The following HAUS6 variants were observed in gnomAD, a reference collection of about 807,000 sequenced individuals.
HAUS6 encodes HAUS augmin like complex subunit 6.
HAUS6 carries 80 observed loss-of-function variants against 106.8 expected under a neutral mutation model. That is an observed-to-expected ratio of 0.75 (90% confidence interval 0.63 to 0.90). The LOEUF is 0.90. HAUS6 is among the 40% of genes least tolerant of loss of function. The pLI, the probability that HAUS6 is intolerant of heterozygous loss-of-function variation, is 0.00. For synonymous variants in HAUS6, 356 were observed against 379.1 expected, an observed-to-expected ratio of 0.94 and a Z score of 0.71; for missense variants, 1,155 against 1,118.1, an observed-to-expected ratio of 1.03 and a Z score of -0.47.
chr9:19,097,172 T>C (rs1188228002), intron 1 of HAUS6, among the ~76,000 whole-genome samples: 1 of 152,170 alleles, frequency 6.6e-6, no homozygotes, highest in Admixed American at 6.6e-5. Flanking sequence ...GGCAATACCA[T>C]TCAGGACATA....
rs1836525345 is a variant in HAUS6, at chr9:19,058,305, T to A, written c.2462A>T (p.Gln821Leu). The change falls in exon 16 of 17, where the codon CAG becomes CTG. Residue 821 changes from glutamine to leucine, a missense_variant. This residue lies in a region of HAUS6 where 380 missense variants were observed against 394.8 expected (regional missense o/e 0.96). Coordinates refer to ENST00000380502, the MANE Select transcript of HAUS6 (RefSeq NM_017645.5). Reference sequence around the variant, plus strand: ...ATTAAAGTCTGATTCTGGAGTAGTCTGTCTCCCTCCCACAACATCTTCTAG... The same window carrying A: ...ATTAAAGTCTGATTCTGGAGTAGTCAGTCTCCCTCCCACAACATCTTCTAG... ...TLLEDVVGGRQTTPESDFNLQ... is the reference protein window; with the variant it reads ...TLLEDVVGGRLTTPESDFNLQ... The A allele has an allele frequency of 6.2e-7, 1 of 1,613,364 alleles. No homozygotes were observed. Among genetic ancestry groups the A allele is most frequent in the African/African-American group, 1.3e-5 (1 of 75,014 alleles).
chr9:19,090,181 G>T (rs1817713989), intron 4 of HAUS6, among the ~76,000 whole-genome samples: 1 of 151,496 alleles, frequency 6.6e-6, no homozygotes, highest in Non-Finnish European at 1.5e-5. Flanking sequence ...TTTAAGGCAG[G>T]CAACTAAAAA....
In HAUS6 at chr9:19,078,554, A is replaced by G. The variant is rs144263713; in HGVS notation, c.1065-252T>C. Among the ~76,000 whole-genome samples the G allele has an allele frequency of 4.2e-3, 632 of 152,156 alleles. 3 individuals are homozygous for G. The highest frequency in any genetic ancestry group is 0.015 in the African/African-American group (607 of 41,520). ...TGTAATCCCAGCAGTTTGGGAGGCC[A>G]AGGCAGGTGGATCACCTGAGGTCAG... On this transcript the variant is annotated intron_variant, in intron 9 of 16. Coordinates refer to ENST00000380502, the MANE Select transcript of HAUS6 (RefSeq NM_017645.5).
intron 5 of HAUS6, among the ~76,000 whole-genome samples, chr9:19,087,846 CAAAAAAAAAAAAA>C (rs71333081): frequency 1.3e-5 from 1 of 78,740 alleles, no homozygotes; most frequent in South Asian, 5.8e-4. Flanking sequence ...GACCTTGTCT[CAAAAAAAAAAAAA>C]AAAAAAAAAA....
chr9:19,099,998 G>T (rs186524768), intron 1 of HAUS6, among the ~76,000 whole-genome samples: 22 of 152,136 alleles, frequency 1.4e-4, no homozygotes, highest in African/African-American at 5.1e-4. Context: ...TTAAGATTCC[G>T]CCTGGCTAAG....
intron 16 of HAUS6, 155 bp from the exon 17 acceptor site, chr9:19,056,559 CCT>C (rs1214496798): frequency 1.2e-5 from 7 of 570,728 alleles, no homozygotes; most frequent in Admixed American, 3.0e-5. Flanking sequence ...ACCAAAGTAC[CCT>C]CTTTCTCCAG....
At chr9:19,077,419 C>T (rs927082576) in intron 10 of HAUS6, among the ~76,000 whole-genome samples, 4 of 152,104 alleles carry the variant, frequency 2.6e-5, no homozygotes, top group Non-Finnish European at 4.4e-5. Context: ...CCTTTAGTCC[C>T]GGCTACTTGG....
At chr9:19,094,063 T>C (rs1817810162) in intron 3 of HAUS6, among the ~76,000 whole-genome samples, 1 of 152,210 alleles carries the variant, frequency 6.6e-6, no homozygotes, top group African/African-American at 2.4e-5. Flanking sequence ...AAGTTTTCTT[T>C]AAACAAAAAC....
chr9:19,079,603 T>A (rs998469196), intron 9 of HAUS6, among the ~76,000 whole-genome samples: 1 of 152,102 alleles, frequency 6.6e-6, no homozygotes, highest in Non-Finnish European at 1.5e-5. Flanking sequence ...CCACTCTCTG[T>A]CCATTCCTAT....
rs1283260929 is a variant in HAUS6 at position 19,087,872 on chromosome 9, C to T, written c.585-716G>A. 2.8e-5 allele frequency among the ~76,000 whole-genome samples: 3 copies of T among 108,754 alleles called. No homozygotes were observed. In the East Asian group the frequency reaches 8.8e-4, roughly 32 times the overall value. The allele number at this position is 108,754 out of a possible 152,430, so 71.3% of individuals were successfully genotyped here. Reference sequence around the variant, plus strand: ...AAAAAAAAAAAAAAAAAAAAAAAAACCACATGCACACACAATTATATACAA... The same window carrying T: ...AAAAAAAAAAAAAAAAAAAAAAAAATCACATGCACACACAATTATATACAA... On this transcript the variant is annotated intron_variant, in intron 5 of 16. Transcript: ENST00000380502.
rs768990016 is a variant in HAUS6 at position 19,076,644 on chromosome 9, A to G, written c.1252T>C (p.Tyr418His). ...TACTGACAAAGAATACTCTTTGCAT[A>G]CACTTCTTCTGAGGCAGGATCAAAC... The part of the protein sequence containing the change: ...LSFDPASEEV[Y>H]AKSILCQYPA... Residue 418 changes from tyrosine to histidine, a missense_variant, in exon 11 of 17, where the codon TAT (tyrosine) becomes CAT (histidine). Around this residue, in one of 3 missense-constraint regions of HAUS6, gnomAD observed 761 missense variants for 690.0 expected, o/e 1.10. Transcript: ENST00000380502. 7.5e-6 allele frequency: 12 copies of G among 1,593,718 alleles called. No homozygotes were observed. The highest frequency in any genetic ancestry group is 1.0e-5 in the Non-Finnish European group (12 of 1,162,550).
intron 9 of HAUS6, among the ~76,000 whole-genome samples, chr9:19,079,445 G>A (rs1430704954): frequency 6.6e-6 from 1 of 151,386 alleles, no homozygotes; most frequent in Non-Finnish European, 1.5e-5. Context: ...TGGCCAGAAT[G>A]GTCTTGAACT....
chr9:19,099,226 G>A (rs533048481), intron 1 of HAUS6, among the ~76,000 whole-genome samples: 1 of 149,980 alleles, frequency 6.7e-6, no homozygotes, highest in African/African-American at 2.4e-5. Flanking sequence ...GAGTGCAGCG[G>A]CGCGATCTCG....
rs375735715 is a variant in HAUS6, at chr9:19,057,996, A to G, written c.2771T>C (p.Ile924Thr). 9.0e-5 allele frequency: 145 copies of G among 1,610,024 alleles called. No homozygotes were observed. The highest frequency in any genetic ancestry group is 1.1e-4 in the Non-Finnish European group (131 of 1,176,510). The change falls in exon 16 of 17, where the codon ATA (isoleucine) becomes ACA (threonine). Residue 924 changes from isoleucine to threonine, a missense_variant. Around this residue, in one of 3 missense-constraint regions of HAUS6, gnomAD observed 380 missense variants for 394.8 expected, o/e 0.96. Transcript: ENST00000380502. ...SPVEQRLRTT[I>T]ACSLGELPNL... Reference sequence around the variant, plus strand: ...AGGTAGTTCTCCAAGACTACATGCTATTGTGGTTCTCAATCTTTGTTCCAC... The same window carrying G: ...AGGTAGTTCTCCAAGACTACATGCTGTTGTGGTTCTCAATCTTTGTTCCAC...
intron 1 of HAUS6, 147 bp downstream of exon 1, chr9:19,102,377 G>A (rs1818008480): frequency 1.2e-6 from 1 of 863,790 alleles, no homozygotes; most frequent in Non-Finnish European, 1.8e-6. Context: ...GGCAGCAACT[G>A]GGAGTAGGAA....
intron 5 of HAUS6, among the ~76,000 whole-genome samples, chr9:19,087,369 C>T (rs1357099473): frequency 6.6e-6 from 1 of 152,130 alleles, no homozygotes. Context: ...AGTATATCCT[C>T]TCCGATTAAA....
In HAUS6 at chr9:19,067,494, C is replaced by T. The variant is rs181059512; in HGVS notation, c.1376+2725G>A. Among the ~76,000 whole-genome samples the T allele has an allele frequency of 8.1e-4, 123 of 152,214 alleles. 1 individual carries two copies. Among genetic ancestry groups the T allele is most frequent in the Admixed American group, 8.1e-3 (123 of 15,276 alleles). The stretch of plus-strand genomic sequence containing the variant: ...CCTACCTCCCTTCAGTATTTCAAAT[C>T]TATAATTAAAATAATCAGAATATAA... On this transcript the variant is annotated intron_variant, in intron 12 of 16. Coordinates refer to ENST00000380502, the MANE Select transcript of HAUS6 (RefSeq NM_017645.5).
chr9:19,055,769 G>A lies in HAUS6; in HGVS notation c.*574C>T, dbSNP rs1228233569. The A allele has an allele frequency of 1.3e-5, 2 of 151,972 alleles. No individual in the cohort carries two copies. The highest frequency in any genetic ancestry group is 4.8e-5 in the African/African-American group (2 of 41,382). The allele number at this position is 151,972 out of a possible 1,614,324, so 9.4% of individuals were successfully genotyped here. A position where few individuals can be genotyped will look rare whatever the true frequency, so the allele number is the denominator to read the frequency against. On this transcript the variant is annotated 3_prime_UTR_variant, in exon 17 of 17. Transcript: ENST00000380502. ...TTATTCCATCAAACATCACTTCTCA[G>A]GATCATTCTACCTGAAGAATCATTA...
At chr9:19,081,447 AT>A (rs200322669) in intron 8 of HAUS6, among the ~76,000 whole-genome samples, 53 of 147,976 alleles carry the variant, frequency 3.6e-4, no homozygotes, top group African/African-American at 1.1e-3. Context: ...TTTAATTTTA[AT>A]TTTTTTTTTT....
Sources: allele counts gnomAD v4.1 joint callset (sites outside exome capture counted in the v4.1 genomes callset), GRCh38; gene constraint gnomAD v4.1.1; regional missense constraint gnomAD v4.1.1; transcripts MANE v1.5; gene names NCBI Gene and HGNC (gene_info 2026-07-23, HGNC 2026-07-21).